Variants in FAM193A observed in about 807,000 individuals in gnomAD.
The protein encoded by FAM193A is protein FAM193A.
In FAM193A, 22 loss-of-function variants were observed where a neutral mutation model predicts 126.5. That is an observed-to-expected ratio of 0.17 (90% confidence interval 0.12 to 0.25). The LOEUF (loss-of-function observed/expected upper bound fraction) is 0.25, where lower values mean the gene tolerates loss of function less well. Ranked by LOEUF, FAM193A falls within the 10% of genes least tolerant of loss-of-function variation. The pLI is 1.00. For missense variants in FAM193A, 1,675 were observed against 1,672.8 expected (o/e 1.00, Z -0.02); for synonymous variants, 761 against 646.8 (o/e 1.18, Z -2.68).
intron 13 of FAM193A, among the ~76,000 whole-genome samples, chr4:2,681,560 C>T (rs1316446663): frequency 6.6e-6 from 1 of 152,122 alleles, no homozygotes; most frequent in Non-Finnish European, 1.5e-5. Flanking sequence ...AAGCAATCCT[C>T]CTGACCCATA....
At chr4:2,724,849 A>G (rs192593209) in intron 20 of FAM193A, among the ~76,000 whole-genome samples, 11 of 152,330 alleles carry the variant, frequency 7.2e-5, no homozygotes, top group Admixed American at 6.5e-4. Context: ...AGAGGAATTC[A>G]GTCAACTGAG....
At chr4:2,655,717 G>GCCCAGGAGTTTGAGGCCAACCT (rs1486476051) in intron 7 of FAM193A, among the ~76,000 whole-genome samples, 1 of 152,018 alleles carries the variant, frequency 6.6e-6, no homozygotes, top group Non-Finnish European at 1.5e-5. Flanking sequence ...GATCGCTTGA[G>GCCCAGGAGTTTGAGGCCAACCT]CCCAGGAGTT....
chr4:2,581,766 G>A (rs1421542384), intron 1 of FAM193A, among the ~76,000 whole-genome samples: 4 of 151,758 alleles, frequency 2.6e-5, no homozygotes, highest in African/African-American at 7.3e-5. Flanking sequence ...CCATTCTCCC[G>A]CCTCAGCCTC....
At chr4:2,678,200 G>A (rs1440299166) in intron 13 of FAM193A, among the ~76,000 whole-genome samples, 1 of 152,022 alleles carries the variant, frequency 6.6e-6, no homozygotes, top group African/African-American at 2.4e-5. Context: ...TAGCCAGGAT[G>A]GTCCCAATCT....
At chr4:2,630,267 C>A (rs1381612379) in intron 4 of FAM193A, among the ~76,000 whole-genome samples, 1 of 149,326 alleles carries the variant, frequency 6.7e-6, no homozygotes, top group Non-Finnish European at 1.5e-5. Flanking sequence ...TTTTTTTTTC[C>A]TACTCTTCAG....
At chr4:2,631,808 A>G (rs1033706845) in intron 5 of FAM193A, among the ~76,000 whole-genome samples, 2 of 152,176 alleles carry the variant, frequency 1.3e-5, no homozygotes, top group Non-Finnish European at 2.9e-5. Context: ...GGAGCATGGT[A>G]TAGAAATATG....
rs139878795 is a variant in FAM193A, at chr4:2,631,077, C to G, written c.946C>G (p.Pro316Ala). Residue 316 changes from proline to alanine, a missense_variant, in exon 5 of 21, where the codon CCG becomes GCG. Coordinates refer to ENST00000637812, the MANE Select transcript of FAM193A (RefSeq NM_001366318.2). The stretch of plus-strand genomic sequence containing the variant: ...GGCACCATCTGGCCTGCAGGGCCCG[C>G]CGCAAGCGCACCAGTTCATCTCCCT... ...VKAPSGLQGP[P>A]QAHQFISLLL... The G allele has an allele frequency of 4.1e-4, 663 of 1,613,864 alleles. 2 individuals carry two copies. In the African/African-American group the frequency reaches 7.7e-3, roughly 19 times the overall value.
chr4:2,703,925 T>C (rs1577239146), intron 19 of FAM193A, among the ~76,000 whole-genome samples: 1 of 150,832 alleles, frequency 6.6e-6, no homozygotes, highest in East Asian at 2.0e-4. Context: ...TGTGTCATGA[T>C]TGCACCACTG....
At chr4:2,570,540 T>G (rs1739230641) in intron 1 of FAM193A, among the ~76,000 whole-genome samples, 1 of 152,174 alleles carries the variant, frequency 6.6e-6, no homozygotes. Flanking sequence ...GCAGAGGTCA[T>G]GCCACATCTT....
intron 13 of FAM193A, among the ~76,000 whole-genome samples, chr4:2,682,709 T>C (rs1405166246): frequency 6.6e-6 from 1 of 152,232 alleles, no homozygotes; most frequent in Non-Finnish European, 1.5e-5. Context: ...GTTTACAATA[T>C]ACATTTTGAA....
chr4:2,695,060 G>C lies in FAM193A; in HGVS notation c.3207G>C (p.Ser1069=). Reference sequence around the variant, plus strand: ...GCTCTGAGCACAGCTCCAGCACCTCGACCTCCACCAACCAGAAGGAGGGCA... The same window carrying C: ...GCTCTGAGCACAGCTCCAGCACCTCCACCTCCACCAACCAGAAGGAGGGCA... ...DSCSEHSSST[S]TSTNQKEGKY... Residue 1069 remains serine, a synonymous_variant, in exon 17 of 21, where the codon TCG becomes TCC. Transcript: ENST00000637812. 6 of 1,609,592 alleles carry C rather than the reference G, an allele frequency of 3.7e-6. No homozygotes were observed. Among genetic ancestry groups the C allele is most frequent in the Non-Finnish European group, 5.1e-6 (6 of 1,178,232 alleles).
At chr4:2,565,127 C>G (rs1228123380) in intron 1 of FAM193A, among the ~76,000 whole-genome samples, 1 of 151,628 alleles carries the variant, frequency 6.6e-6, no homozygotes, top group Admixed American at 6.6e-5. Flanking sequence ...AGGTGTTAGC[C>G]TGTTTTTTTT....
Position 2,563,714 on chromosome 4 carries a change from C to T in FAM193A, c.255+26544C>T, listed in dbSNP as rs139441481. Reference sequence around the variant, plus strand: ...GTTTAAAAAAATGATCTCAGCAGAACTGGGAATCAACCCTCAAAGATTATT... The same window carrying T: ...GTTTAAAAAAATGATCTCAGCAGAATTGGGAATCAACCCTCAAAGATTATT... On this transcript the variant is annotated intron_variant, in intron 1 of 20. Coordinates refer to ENST00000637812, the MANE Select transcript of FAM193A (RefSeq NM_001366318.2). Among the ~76,000 whole-genome samples, 491 of 152,288 alleles carry T rather than the reference C, an allele frequency of 3.2e-3. 5 individuals are homozygous for T. In the Middle Eastern group the frequency reaches 0.068, roughly 21 times the overall value.
At chr4:2,540,111 T>G (rs1737137736) in intron 1 of FAM193A, among the ~76,000 whole-genome samples, 1 of 131,604 alleles carries the variant, frequency 7.6e-6, no homozygotes, top group Non-Finnish European at 1.6e-5. Context: ...AGAGTGAAAC[T>G]CTGTCTCAAA....
chr4:2,672,096 G>GT, intron 12 of FAM193A, 25 bp from the exon 13 acceptor site: 1 of 1,610,626 alleles, frequency 6.2e-7, no homozygotes, highest in Non-Finnish European at 8.5e-7. Context: ...CACTAAATAG[G>GT]TATGTTTTTT....
intron 2 of FAM193A, among the ~76,000 whole-genome samples, chr4:2,603,361 C>T (rs536351066): frequency 2.1e-4 from 31 of 150,126 alleles, no homozygotes; most frequent in Admixed American, 6.7e-4. Flanking sequence ...TTCGGCTCAA[C>T]GCAACCTCCG....
In FAM193A at chr4:2,544,914, G is replaced by A. The variant is rs569695083; in HGVS notation, c.255+7744G>A. Among the ~76,000 whole-genome samples, 366 of 151,982 alleles carry A rather than the reference G, an allele frequency of 2.4e-3. 2 individuals carry two copies. The highest frequency in any genetic ancestry group is 3.4e-3 in the Middle Eastern group (1 of 294). On this transcript the variant is annotated intron_variant, in intron 1 of 20. Coordinates refer to ENST00000637812, the MANE Select transcript of FAM193A (RefSeq NM_001366318.2). ...CTATAGATAGAACAATTTTCCGGAT[G>A]TTCCCTCATCTCCTTCATGGTCGTT...
intron 15 of FAM193A, among the ~76,000 whole-genome samples, chr4:2,692,889 G>A (rs180765358): frequency 2.6e-5 from 4 of 151,994 alleles, no homozygotes; most frequent in African/African-American, 9.6e-5. Flanking sequence ...AGAAAAGAGA[G>A]GAGAGAGAAG....
intron 14 of FAM193A, 105 bp downstream of exon 14, chr4:2,689,809 G>A: frequency 1.3e-6 from 1 of 748,882 alleles, no homozygotes; most frequent in Admixed American, 3.5e-5. Flanking sequence ...GTAGCCAGCT[G>A]CTGCTCCACC....
Sources: allele counts gnomAD v4.1 joint callset (sites outside exome capture counted in the v4.1 genomes callset), GRCh38; gene constraint gnomAD v4.1.1; transcripts MANE v1.5; gene names NCBI Gene and HGNC (gene_info 2026-07-23, HGNC 2026-07-21).